The following ABAT variants were observed in gnomAD, a reference collection of about 807,000 sequenced individuals.
ABAT encodes 4-aminobutyrate aminotransferase.
In ABAT, 45 loss-of-function variants were observed where a neutral mutation model predicts 64.6. That is an observed-to-expected ratio of 0.70 (90% CI 0.55 to 0.89). The LOEUF (loss-of-function observed/expected upper bound fraction) is 0.89, where lower values mean the gene tolerates loss of function less well. ABAT is among the 40% of genes least tolerant of loss of function. The pLI is 0.00. For synonymous variants in ABAT, 297 were observed against 250.5 expected (o/e 1.19, Z -1.75); for missense variants, 633 against 658.4 (o/e 0.96, Z 0.42).
rs371707643 is a variant in ABAT at position 8,735,701 on chromosome 16, T to C, written c.-39T>C. On this transcript the variant is annotated splice_region_variant and 5_prime_UTR_variant, in exon 2 of 16. Transcript: ENST00000268251. ...TCTGCATTTCTGGTTTCTTTCAGGG[T>C]GGCAGCACGCAAAGGGTGTCCCTGT... 7 of 1,565,314 alleles carry C rather than the reference T, an allele frequency of 4.5e-6. No individual in the cohort carries two copies. In the African/African-American group the frequency reaches 9.4e-5, roughly 21 times the overall value.
chr16:8,777,379 G>T (rs962656634), intron 14 of ABAT, among the ~76,000 whole-genome samples: 2 of 152,112 alleles, frequency 1.3e-5, no homozygotes, highest in South Asian at 2.1e-4. Flanking sequence ...TACCCTCAAG[G>T]TTTCGTCATG....
chr16:8,725,970 T>G (rs886273380), intron 1 of ABAT, among the ~76,000 whole-genome samples: 1 of 152,084 alleles, frequency 6.6e-6, no homozygotes, highest in Non-Finnish European at 1.5e-5. Flanking sequence ...CTCATTGACA[T>G]GCTGAGTGCA....
intron 1 of ABAT, among the ~76,000 whole-genome samples, chr16:8,733,820 G>C (rs1412504806): frequency 6.2e-5 from 9 of 144,678 alleles, no homozygotes; most frequent in African/African-American, 2.8e-5. Flanking sequence ...GGAAAGAGAG[G>C]GAGAGGGAGA....
intron 1 of ABAT, among the ~76,000 whole-genome samples, chr16:8,732,921 C>CG (rs1204895426): frequency 2.0e-5 from 3 of 149,212 alleles, no homozygotes; most frequent in Admixed American, 6.6e-5. Context: ...GCTGGCCGGG[C>CG]GGGGGGCTGA....
At chr16:8,769,074 G>C in intron 11 of ABAT, 101 bp downstream of exon 11, 1 of 1,531,044 alleles carries the variant, frequency 6.5e-7, no homozygotes. Context: ...GTTTATCTGG[G>C]GATCTGTGCA....
intron 2 of ABAT, among the ~76,000 whole-genome samples, chr16:8,740,235 A>C (rs973662956): frequency 6.6e-6 from 1 of 152,134 alleles, no homozygotes; most frequent in Non-Finnish European, 1.5e-5. Flanking sequence ...CACGTAACAC[A>C]TACCTCCAGA....
At position 8,750,540 on chromosome 16, in the gene ABAT, G is replaced by A; in HGVS notation, c.316+1G>A. ...TCCCAGATCTCCTCTGTCCCCATAG[G>A]TAAGAGCTGGGAAATCATTCCTTGG... On this transcript the variant is annotated splice_donor_variant, in intron 5 of 15. Transcript: ENST00000268251. LOFTEE classifies it high-confidence loss of function. 2 of 1,611,822 alleles carry A rather than the reference G, an allele frequency of 1.2e-6. No homozygotes were observed. The highest frequency in any genetic ancestry group is 1.7e-6 in the Non-Finnish European group (2 of 1,177,984).
At chr16:8,687,559 G>A (rs1382494036) in intron 1 of ABAT, among the ~76,000 whole-genome samples, 1 of 152,196 alleles carries the variant, frequency 6.6e-6, no homozygotes, top group Non-Finnish European at 1.5e-5. Flanking sequence ...CAGAAGCTGA[G>A]CAGCTTGCTG....
At chr16:8,766,523 C>T (rs2059951013) in intron 9 of ABAT, among the ~76,000 whole-genome samples, 1 of 152,010 alleles carries the variant, frequency 6.6e-6, no homozygotes, top group South Asian at 2.1e-4. Flanking sequence ...GGCATAGTGG[C>T]ACATGCATGT....
chr16:8,682,372 T>C (rs571785259), intron 1 of ABAT, among the ~76,000 whole-genome samples: 1 of 152,264 alleles, frequency 6.6e-6, no homozygotes, highest in East Asian at 1.9e-4. Context: ...TGAATCCAAT[T>C]TACAAATTCC....
chr16:8,764,841 G>C lies in ABAT; in HGVS notation c.540+11G>C. 6.3e-7 allele frequency: 1 copy of C among 1,598,186 alleles called. No homozygotes were observed. The highest frequency in any genetic ancestry group is 8.5e-7 in the Non-Finnish European group (1 of 1,170,080). The stretch of plus-strand genomic sequence containing the variant: ...TTCATGTGGTACCGGGTGAGGTTTG[G>C]GGCACACACACACACACACACACAG... On this transcript the variant is annotated intron_variant, in intron 8 of 15. Coordinates refer to ENST00000268251, the MANE Select transcript of ABAT (RefSeq NM_020686.6). This position sits in a 1 kb window ranked among gnomAD's most constrained non-coding sequence, Gnocchi z 4.2.
chr16:8,702,569 C>T (rs2057848774), intron 1 of ABAT, among the ~76,000 whole-genome samples: 1 of 152,218 alleles, frequency 6.6e-6, no homozygotes, highest in South Asian at 2.1e-4. Flanking sequence ...TTTTAAACAA[C>T]CACATCTCAT....
intron 1 of ABAT, among the ~76,000 whole-genome samples, chr16:8,695,503 G>A (rs1328253544): frequency 6.6e-6 from 1 of 152,146 alleles, no homozygotes; most frequent in Non-Finnish European, 1.5e-5. Context: ...GCTTACTTGT[G>A]GCAAGAATAG....
At chr16:8,682,597 A>G (rs2057361119) in intron 1 of ABAT, among the ~76,000 whole-genome samples, 1 of 105,342 alleles carries the variant, frequency 9.5e-6, no homozygotes, top group Non-Finnish European at 2.2e-5. Flanking sequence ...GGAATCCTGG[A>G]CCAGCCCCCG....
chr16:8,675,859 C>A (rs189284939), intron 1 of ABAT, among the ~76,000 whole-genome samples: 5 of 152,184 alleles, frequency 3.3e-5, no homozygotes, highest in Non-Finnish European at 7.3e-5. Context: ...CAAGAGGGCC[C>A]GCATTTCCCC....
intron 4 of ABAT, among the ~76,000 whole-genome samples, chr16:8,749,296 G>A (rs1304204189): frequency 6.7e-6 from 1 of 149,930 alleles, no homozygotes; most frequent in Non-Finnish European, 1.5e-5. Flanking sequence ...CACCACGTTG[G>A]TCAGGCTGGT....
At chr16:8,750,774 A>G (rs1267137876) in intron 5 of ABAT, among the ~76,000 whole-genome samples, 1 of 152,154 alleles carries the variant, frequency 6.6e-6, no homozygotes, top group Non-Finnish European at 1.5e-5. Context: ...ATGTATTAAT[A>G]TCCCCATTTT....
intron 1 of ABAT, among the ~76,000 whole-genome samples, chr16:8,733,605 G>A (rs1394714020): frequency 6.6e-6 from 1 of 151,940 alleles, no homozygotes; most frequent in South Asian, 2.1e-4. Flanking sequence ...CGAGGCTGGC[G>A]GATCACTTGC....
In ABAT at chr16:8,776,628, TG is replaced by T; in HGVS notation, c.1269+143del. On this transcript the variant is annotated intron_variant, in intron 14 of 15. Transcript: ENST00000268251. This position sits in a 1 kb window ranked among gnomAD's most constrained non-coding sequence, Gnocchi z 4.4. ...TAACGGGCTGTGCTGCTCCTAGCCT[TG>T]GGGGCTTTGCACATGCTGTGTCCTC... The T allele has an allele frequency of 1.1e-6, 1 of 938,244 alleles. No homozygotes were observed. The highest frequency in any genetic ancestry group is 1.6e-6 in the Non-Finnish European group (1 of 609,548). 58.1% of individuals were successfully genotyped at this position (938,244 alleles called of 1,614,324 possible). A position where few individuals can be genotyped will look rare whatever the true frequency, so the allele number is the denominator to read the frequency against.
Sources: gnomAD v4.1 joint callset for allele counts (sites outside exome capture counted in the v4.1 genomes callset) on GRCh38, gnomAD v4.1.1 for gene constraint, Gnocchi (gnomAD v3.1) non-coding constraint, MANE v1.5 for transcripts, NCBI Gene and HGNC (gene_info 2026-07-23, HGNC 2026-07-21) for gene names.